The following RBM44 variants were observed in gnomAD, a reference collection of about 807,000 sequenced individuals.
RBM44 encodes RNA binding motif protein 44.
In RBM44, 66 loss-of-function variants were observed where a neutral mutation model predicts 105.1. The observed-to-expected ratio is 0.63, with a 90% CI of 0.52 to 0.77. The LOEUF (loss-of-function observed/expected upper bound fraction) is 0.77, where lower values mean the gene tolerates loss of function less well. Ranked by LOEUF, RBM44 falls within the 30% of genes least tolerant of loss-of-function variation. The pLI is 0.00. For synonymous variants in RBM44, 365 were observed against 417.6 expected (o/e 0.87, Z 1.54); for missense variants, 1,122 against 1,207.8 (o/e 0.93, Z 1.05).
At chr2:237,825,842 G>A (rs2061842961) in intron 10 of RBM44, among the ~76,000 whole-genome samples, 1 of 152,130 alleles carries the variant, frequency 6.6e-6, no homozygotes, top group Non-Finnish European at 1.5e-5. Flanking sequence ...AAATATAAAG[G>A]TAGGTGGTTT....
chr2:237,801,319 AC>A (rs1035787247), intron 1 of RBM44, among the ~76,000 whole-genome samples: 6 of 152,134 alleles, frequency 3.9e-5, no homozygotes, highest in Admixed American at 3.9e-4. Context: ...ACAGCGTGAG[AC>A]CCTGACTTAA....
At chr2:237,824,123 CAG>C (rs2061822353) in intron 9 of RBM44, among the ~76,000 whole-genome samples, 166 bp from the exon 10 acceptor site, 2 of 152,308 alleles carry the variant, frequency 1.3e-5, no homozygotes, top group Admixed American at 6.5e-5. Flanking sequence ...AGTCTCTTCT[CAG>C]AGAATCTTTT....
chr2:237,820,913 C>T, intron 5 of RBM44, 158 bp from the exon 6 acceptor site: 1 of 521,862 alleles, frequency 1.9e-6, no homozygotes, highest in Non-Finnish European at 3.3e-6. Context: ...ATTAGCTGGG[C>T]ATTGTGGCAC....
intron 9 of RBM44, among the ~76,000 whole-genome samples, chr2:237,823,985 A>T (rs2061820921): frequency 6.6e-6 from 1 of 152,172 alleles, no homozygotes; most frequent in Non-Finnish European, 1.5e-5. Context: ...TGTCTTTTTC[A>T]CTAAAGTACA....
chr2:237,799,916 A>G (rs867071859), intron 1 of RBM44, among the ~76,000 whole-genome samples: 36 of 152,302 alleles, frequency 2.4e-4, no homozygotes, highest in Admixed American at 4.6e-4. Context: ...TTCTGGCGAT[A>G]CCATTCCCTG....
chr2:237,810,578 C>T (rs143106436), intron 1 of RBM44, among the ~76,000 whole-genome samples: 7 of 152,176 alleles, frequency 4.6e-5, no homozygotes, highest in Non-Finnish European at 1.0e-4. Flanking sequence ...AAATCAATCA[C>T]TGTAACACAA....
At chr2:237,806,638 A>G (rs971492855) in intron 1 of RBM44, among the ~76,000 whole-genome samples, 2 of 152,182 alleles carry the variant, frequency 1.3e-5, no homozygotes, top group African/African-American at 4.8e-5. Flanking sequence ...CAGAAAGGCT[A>G]AGGCGTTAGA....
rs1453141956 is a variant in RBM44, at chr2:237,821,153, A to G, written c.1996A>G (p.Thr666Ala). 6.2e-7 allele frequency: 1 copy of G among 1,611,372 alleles called. No individual in the cohort carries two copies. ...GGGGGACTTAAAAGTTAGATATGTG[A>G]CTTTGAAAGAAAAAATACACAAAGG... ...LLGDLKVRYV[T>A]LKEKIHKGIP... Residue 666 changes from threonine (T) to alanine (A), a missense_variant, in exon 6 of 16, where the codon ACT (threonine) becomes GCT (alanine). This residue lies in a region of RBM44 where 918 missense variants were observed against 955.3 expected (regional missense o/e 0.96). Coordinates refer to ENST00000316997, the MANE Select transcript of RBM44 (RefSeq NM_001080504.3).
intron 12 of RBM44, among the ~76,000 whole-genome samples, chr2:237,828,997 G>T (rs1028767653): frequency 3.9e-5 from 6 of 152,122 alleles, no homozygotes; most frequent in Admixed American, 2.0e-4. Flanking sequence ...GAGATAATGT[G>T]TAAGAAATAC....
At chr2:237,836,356 G>C (rs1414851000) in intron 15 of RBM44, among the ~76,000 whole-genome samples, 2 of 152,076 alleles carry the variant, frequency 1.3e-5, no homozygotes, top group African/African-American at 2.4e-5. Flanking sequence ...ACCTAGGCTG[G>C]AGTGCAGTGA....
rs368401530 is a variant in RBM44, at chr2:237,803,331, TCACA to T, written c.-19+4481_-19+4484del. Among the ~76,000 whole-genome samples the T allele has an allele frequency of 6.6e-6, 1 of 150,392 alleles. No individual in the cohort carries two copies. The highest frequency in any genetic ancestry group is 1.5e-5 in the Non-Finnish European group (1 of 67,500). ...CACACACACACACATACTCTCTCTCTCACACACACACACATACTTTCTCTCTCAC... is the reference window on the plus strand; with the variant it reads ...CACACACACACACATACTCTCTCTCTCACACACACATACTTTCTCTCTCAC... On this transcript the variant is annotated intron_variant, in intron 1 of 15. Transcript: ENST00000316997. The surrounding 1 kb of genome is among the most constrained non-coding windows in gnomAD (Gnocchi z 4.2).
At chr2:237,832,535 G>T (rs919683900) in intron 13 of RBM44, among the ~76,000 whole-genome samples, 1 of 152,152 alleles carries the variant, frequency 6.6e-6, no homozygotes, top group Non-Finnish European at 1.5e-5. Context: ...CAACACTCTT[G>T]GTCCTGTCAG....
At chr2:237,823,699 CTTA>C (rs2061817594) in intron 9 of RBM44, 145 bp downstream of exon 9, 1 of 530,834 alleles carries the variant, frequency 1.9e-6, no homozygotes, top group South Asian at 2.8e-5. Context: ...CAAGTATGTT[CTTA>C]TTATTGCTAC....
intron 15 of RBM44, among the ~76,000 whole-genome samples, chr2:237,838,547 A>C (rs2061981210): frequency 6.6e-6 from 1 of 152,206 alleles, no homozygotes; most frequent in African/African-American, 2.4e-5. Flanking sequence ...TAATTAAAAT[A>C]CATGAAAATA....
chr2:237,823,587 G>A, intron 9 of RBM44, 33 bp downstream of exon 9: 1 of 960,872 alleles, frequency 1.0e-6, no homozygotes, highest in Admixed American at 2.3e-5. Context: ...TTGTATAGTT[G>A]CTGGAAAACA....
At chr2:237,806,759 A>G (rs2061603005) in intron 1 of RBM44, among the ~76,000 whole-genome samples, 1 of 152,156 alleles carries the variant, frequency 6.6e-6, no homozygotes, top group Non-Finnish European at 1.5e-5. Flanking sequence ...GTGTATTTGT[A>G]GTTACAGACT....
Position 237,820,299 on chromosome 2 carries a change from C to T in RBM44, c.1861C>T (p.His621Tyr). ...LNVHYQMCRRHCCDIYKLVME... is the reference protein window; with the variant it reads ...LNVHYQMCRRYCCDIYKLVME... ...TGTTCACTATCAGATGTGTCGTCGC[C>T]ATTGTTGTGATATTTACAAACTTGT... The change falls in exon 5 of 16, where the codon CAT (histidine) becomes TAT (tyrosine). Residue 621 changes from histidine (H) to tyrosine (Y), a missense_variant. By Grantham distance (83) the His-to-Tyr change is moderately conservative. This residue lies in a region of RBM44 where 918 missense variants were observed against 955.3 expected (regional missense o/e 0.96). Transcript: ENST00000316997. 1 of 1,601,738 alleles carries T rather than the reference C, an allele frequency of 6.2e-7. No homozygotes were observed. The highest frequency in any genetic ancestry group is 8.5e-7 in the Non-Finnish European group (1 of 1,173,600).
chr2:237,808,149 T>C (rs931292545), intron 1 of RBM44, among the ~76,000 whole-genome samples: 2 of 152,070 alleles, frequency 1.3e-5, no homozygotes, highest in African/African-American at 4.8e-5. Context: ...CTACAAATCA[T>C]ACATTAAAAA....
At chr2:237,834,597 A>C (rs2061938077) in intron 15 of RBM44, 174 bp downstream of exon 15, 1 of 304,036 alleles carries the variant, frequency 3.3e-6, no homozygotes, top group African/African-American at 2.3e-5. Flanking sequence ...AGGCAAAACT[A>C]ATTACCCTAA....
Sources: allele counts gnomAD v4.1 joint callset (sites outside exome capture counted in the v4.1 genomes callset), GRCh38; gene constraint gnomAD v4.1.1; regional missense constraint gnomAD v4.1.1; non-coding constraint Gnocchi (gnomAD v3.1); transcripts MANE v1.5; gene names NCBI Gene and HGNC (gene_info 2026-07-23, HGNC 2026-07-21).